GALNT13: variants seen among roughly 807,000 people sequenced by gnomAD.
The protein encoded by GALNT13 is UDP-GalNAc:polypeptide N-acetylgalactosaminyltransferase 13.
A neutral mutation model predicts 64.2 loss-of-function variants in GALNT13; 28 were observed. The observed-to-expected ratio is 0.44, with a 90% CI of 0.32 to 0.60. GALNT13 has a LOEUF of 0.60. Ranked by LOEUF, GALNT13 falls within the 20% of genes least tolerant of loss-of-function variation. The pLI is 0.05. For synonymous variants in GALNT13, 214 were observed against 224.6 expected, an observed-to-expected ratio of 0.95 and a Z score of 0.42; for missense variants, 577 against 669.8, an observed-to-expected ratio of 0.86 and a Z score of 1.53.
At chr2:153,118,136 C>T in the GALNT13 span, among the ~76,000 whole-genome samples, 3 of 150,478 alleles carry the variant, frequency 2.0e-5, no homozygotes, top group African/African-American at 7.4e-5. Flanking sequence ...CACACACACA[C>T]ACACACACAC....
chr2:153,256,392 C>A, the GALNT13 span, among the ~76,000 whole-genome samples: 78 of 152,262 alleles, frequency 5.1e-4, 2 homozygotes, highest in East Asian at 0.015. Context: ...AAGTTTTCAA[C>A]TTCTTTGCCT....
intron 12 of GALNT13, among the ~76,000 whole-genome samples, chr2:154,442,665 A>G (rs1701358740): frequency 6.6e-6 from 1 of 152,116 alleles, no homozygotes; most frequent in Admixed American, 6.6e-5. Flanking sequence ...AGGTGTTCTT[A>G]TATTCTGTTT....
intron 9 of GALNT13, 92 bp from the exon 10 acceptor site, chr2:154,395,899 G>A (rs1699031760): frequency 8.5e-7 from 1 of 1,171,534 alleles, no homozygotes; most frequent in South Asian, 2.2e-5. Context: ...CTGGAATTAT[G>A]AAGAAGAAAA....
chr2:153,738,878 A>C, the GALNT13 span, among the ~76,000 whole-genome samples: 36 of 151,780 alleles, frequency 2.4e-4, no homozygotes, highest in Non-Finnish European at 3.5e-4. Flanking sequence ...CAGTTTTTTT[A>C]TTATAAAAAT....
Position 154,367,591 on chromosome 2 carries a change from A to G in GALNT13, c.1157-28400A>G, listed in dbSNP as rs903753877. 7.9e-5 allele frequency among the ~76,000 whole-genome samples: 12 copies of G among 152,346 alleles called. No individual in the cohort carries two copies. The East Asian group carries it at 2.1e-3, about 27-fold the overall frequency. On this transcript the variant is annotated intron_variant, in intron 9 of 12. Coordinates refer to ENST00000392825, the MANE Select transcript of GALNT13 (RefSeq NM_052917.4). ...CATTTCAAGAGTATAAAATAACAAT[A>G]GAATTGGCCTTCTCATTCTGATATT... is the stretch of plus-strand genomic sequence containing the variant.
At chr2:154,060,056 T>C (rs568301614) in intron 3 of GALNT13, among the ~76,000 whole-genome samples, 20 of 152,268 alleles carry the variant, frequency 1.3e-4, no homozygotes, top group African/African-American at 4.6e-4. Flanking sequence ...TGTAGTGGGA[T>C]TAGTGTTCTT....
chr2:153,181,927 A>G, the GALNT13 span, among the ~76,000 whole-genome samples: 1 of 149,124 alleles, frequency 6.7e-6, no homozygotes, highest in African/African-American at 2.4e-5. Context: ...AAGCAATCAA[A>G]ACAATAATAT....
At chr2:154,247,565 A>G (rs1314370323) in intron 7 of GALNT13, among the ~76,000 whole-genome samples, 1 of 152,058 alleles carries the variant, frequency 6.6e-6, no homozygotes, top group Non-Finnish European at 1.5e-5. Context: ...GAAGATAACT[A>G]AGAGGTAGCC....
chr2:153,854,418 A>G, the GALNT13 span, among the ~76,000 whole-genome samples: 28 of 152,080 alleles, frequency 1.8e-4, no homozygotes, highest in African/African-American at 6.7e-4. Flanking sequence ...CGTTTCTACT[A>G]AAAATACAAA....
chr2:154,219,207 A>G (rs909472064), intron 4 of GALNT13, among the ~76,000 whole-genome samples: 2 of 152,092 alleles, frequency 1.3e-5, no homozygotes, highest in African/African-American at 2.4e-5. Context: ...ACTGACTACA[A>G]TGCAGGCACT....
chr2:153,736,771 C>T, the GALNT13 span, among the ~76,000 whole-genome samples: 2 of 152,068 alleles, frequency 1.3e-5, no homozygotes, highest in African/African-American at 4.8e-5. Context: ...TTCTTCCTTC[C>T]TTCTTTGACA....
At position 154,264,348 on chromosome 2, in the gene GALNT13, G is replaced by A. The variant is rs201355561; in HGVS notation, c.975+5210G>A. ...TTAAAAACCCATGGATAGTCTGGAT[G>A]TGGTGGCTCATGCCTGTAATCCCAG... On this transcript the variant is annotated intron_variant, in intron 8 of 12. Transcript: ENST00000392825. Among the ~76,000 whole-genome samples the A allele has an allele frequency of 3.9e-5, 6 of 151,948 alleles. No individual in the cohort carries two copies. The East Asian group carries it at 9.7e-4, about 25-fold the overall frequency.
intron 3 of GALNT13, among the ~76,000 whole-genome samples, chr2:154,137,001 T>G (rs12617468): frequency 0.047 from 7,082 of 151,966 alleles, 219 homozygotes; most frequent in South Asian, 0.11. Flanking sequence ...ATTTTGTGAG[T>G]ACATGAGTCT....
At chr2:153,578,067 T>C in the GALNT13 span, among the ~76,000 whole-genome samples, 1 of 152,118 alleles carries the variant, frequency 6.6e-6, no homozygotes, top group Non-Finnish European at 1.5e-5. Flanking sequence ...AGAATCTTTT[T>C]TAATGTCTTA....
intron 3 of GALNT13, among the ~76,000 whole-genome samples, chr2:153,973,911 A>T (rs1255309436): frequency 3.3e-5 from 5 of 152,030 alleles, no homozygotes; most frequent in Non-Finnish European, 5.9e-5. Flanking sequence ...ATGGCTATGA[A>T]CATTGCATGC....
intron 9 of GALNT13, among the ~76,000 whole-genome samples, chr2:154,343,315 G>C (rs538506350): frequency 1.3e-5 from 2 of 152,140 alleles, no homozygotes; most frequent in Non-Finnish European, 2.9e-5. Flanking sequence ...TAGGGAAGGG[G>C]AACAACTTAG....
the GALNT13 span, among the ~76,000 whole-genome samples, chr2:153,491,962 C>T: frequency 6.6e-6 from 1 of 151,950 alleles, no homozygotes; most frequent in Non-Finnish European, 1.5e-5. Context: ...TCAAAGGAAG[C>T]ATTTTGTTAA....
intron 3 of GALNT13, among the ~76,000 whole-genome samples, chr2:153,961,739 ATACT>A (rs548651979): frequency 5.8e-4 from 89 of 152,324 alleles, no homozygotes; most frequent in African/African-American, 2.1e-3. Flanking sequence ...AATTCCACAA[ATACT>A]TGATTGATTA....
the GALNT13 span, among the ~76,000 whole-genome samples, chr2:153,321,782 A>G: frequency 6.6e-6 from 1 of 152,200 alleles, no homozygotes; most frequent in East Asian, 1.9e-4. Context: ...GCCTCAGGGC[A>G]GTACATGCAA....
Sources: gnomAD v4.1 joint callset for allele counts (sites outside exome capture counted in the v4.1 genomes callset) on GRCh38, gnomAD v4.1.1 for gene constraint, MANE v1.5 for transcripts, NCBI Gene and HGNC (gene_info 2026-07-23, HGNC 2026-07-21) for gene names.